The following GPHN variants were observed in gnomAD, a reference collection of about 807,000 sequenced individuals.
GPHN encodes gephyrin.
A neutral mutation model predicts 95.5 loss-of-function variants in GPHN; 17 were observed. The observed-to-expected ratio is 0.18, with a 90% CI of 0.12 to 0.27. GPHN has a LOEUF of 0.27. Among genes scored for constraint, GPHN ranks in the 10% least tolerant of loss-of-function variants. The probability of loss-of-function intolerance (pLI) is 1.00; values close to 1 mark genes in which losing one functional copy is unlikely to be tolerated. For synonymous variants in GPHN, 320 were observed against 322.5 expected (o/e 0.99, Z 0.08); for missense variants, 660 against 978.1 (o/e 0.67, Z 4.34).
chr14:66,510,862 A>C (rs1039266070), intron 1 of GPHN, among the ~76,000 whole-genome samples: 2 of 152,166 alleles, frequency 1.3e-5, no homozygotes, highest in Admixed American at 1.3e-4. Context: ...TAACATTGAC[A>C]GTGGAATTAA....
the GPHN span, among the ~76,000 whole-genome samples, chr14:67,187,734 C>T: frequency 2.0e-5 from 3 of 152,168 alleles, no homozygotes; most frequent in Non-Finnish European, 4.4e-5. Flanking sequence ...ACCCCTCAAA[C>T]CCTGTCATTT....
At chr14:67,231,695 C>T in the GPHN span, among the ~76,000 whole-genome samples, 1 of 152,136 alleles carries the variant, frequency 6.6e-6, no homozygotes, top group Admixed American at 6.6e-5. Flanking sequence ...AGGCCAAGCT[C>T]AGTGGCTCAC....
chr14:67,263,539 T>A, the GPHN span, among the ~76,000 whole-genome samples: 1 of 152,184 alleles, frequency 6.6e-6, no homozygotes, highest in Non-Finnish European at 1.5e-5. Flanking sequence ...TCTTTAAAGA[T>A]TTTCCCTCTC....
chr14:67,696,483 C>A, the GPHN span, among the ~76,000 whole-genome samples: 1 of 152,144 alleles, frequency 6.6e-6, no homozygotes, highest in Non-Finnish European at 1.5e-5. Context: ...TCAGGAGAAT[C>A]ACTTTATTGT....
chr14:66,613,019 C>G (rs1382246423), intron 1 of GPHN, among the ~76,000 whole-genome samples: 1 of 151,816 alleles, frequency 6.6e-6, no homozygotes, highest in African/African-American at 2.4e-5. Flanking sequence ...TACATGTAAG[C>G]CTTTTTGTGG....
chr14:66,905,034 C>T (rs564753429), intron 5 of GPHN, among the ~76,000 whole-genome samples: 1 of 152,232 alleles, frequency 6.6e-6, no homozygotes, highest in Non-Finnish European at 1.5e-5. Context: ...CCTCAACTCC[C>T]TCTTGAACAT....
chr14:66,519,525 T>G (rs1373499093), intron 1 of GPHN, among the ~76,000 whole-genome samples: 2 of 152,124 alleles, frequency 1.3e-5, no homozygotes, highest in Middle Eastern at 3.2e-3. Flanking sequence ...TTTTTTTGCT[T>G]CTTAAGATTC....
chr14:66,754,354 A>G (rs557743319), intron 2 of GPHN, among the ~76,000 whole-genome samples: 28 of 151,994 alleles, frequency 1.8e-4, no homozygotes, highest in Non-Finnish European at 3.8e-4. Flanking sequence ...ATAGTAATTT[A>G]ATTATACTGA....
the GPHN span, among the ~76,000 whole-genome samples, chr14:67,479,427 G>T: frequency 7.1e-6 from 1 of 140,530 alleles, no homozygotes; most frequent in Non-Finnish European, 1.5e-5. Context: ...AAAAAAAAAT[G>T]CTTGTGGAAG....
the GPHN span, among the ~76,000 whole-genome samples, chr14:67,508,756 A>AAAAAAAAAAAAAAAAAAC: frequency 2.0e-5 from 3 of 148,634 alleles, no homozygotes; most frequent in Admixed American, 1.3e-4. Flanking sequence ...CTTGTCTCAA[A>AAAAAAAAAAAAAAAAAAC]AAAAAAAAAA....
chr14:66,987,178 T>A (rs530310824), intron 9 of GPHN, among the ~76,000 whole-genome samples: 1 of 152,278 alleles, frequency 6.6e-6, no homozygotes, highest in Admixed American at 6.5e-5. Context: ...TTCCTCACTG[T>A]CTATCTGTGA....
chr14:67,670,799 TACC>T, the GPHN span, among the ~76,000 whole-genome samples: 1 of 152,190 alleles, frequency 6.6e-6, no homozygotes, highest in African/African-American at 2.4e-5. Flanking sequence ...GTGATGGGAC[TACC>T]AGCATGAGCC....
intron 9 of GPHN, 63 bp downstream of exon 9, chr14:66,965,388 A>G (rs1594655531): frequency 1.4e-6 from 2 of 1,410,860 alleles, no homozygotes; most frequent in Non-Finnish European, 2.0e-6. Context: ...AAACTAACCA[A>G]TATTTCCTCC....
chr14:66,625,526 G>A (rs567207188), intron 1 of GPHN, among the ~76,000 whole-genome samples: 64 of 151,822 alleles, frequency 4.2e-4, no homozygotes, highest in African/African-American at 1.5e-3. Flanking sequence ...CCTATTGTCT[G>A]CCTTTTGTCC....
intron 1 of GPHN, among the ~76,000 whole-genome samples, chr14:66,545,336 T>G (rs2059519429): frequency 9.0e-6 from 1 of 111,528 alleles, no homozygotes; most frequent in Admixed American, 9.1e-5. Flanking sequence ...GGCAGGGGGC[T>G]GACCCCCCCA....
At chr14:67,537,346 A>AATAAT in the GPHN span, among the ~76,000 whole-genome samples, 2 of 126,602 alleles carry the variant, frequency 1.6e-5, no homozygotes, top group Admixed American at 1.6e-4. Flanking sequence ...TCCATCTCAA[A>AATAAT]AATAATAATA....
intron 1 of GPHN, among the ~76,000 whole-genome samples, chr14:66,621,829 C>T (rs1353295118): frequency 1.3e-5 from 2 of 152,218 alleles, no homozygotes; most frequent in African/African-American, 4.8e-5. Context: ...AGCTCCACCC[C>T]TGTGTCTCTG....
At chr14:66,590,476 C>A (rs1166103871) in intron 1 of GPHN, among the ~76,000 whole-genome samples, 1 of 152,030 alleles carries the variant, frequency 6.6e-6, no homozygotes, top group Non-Finnish European at 1.5e-5. Context: ...GGGGATATCA[C>A]CACTGATCCC....
chr14:67,251,924 G>A, the GPHN span, among the ~76,000 whole-genome samples: 2 of 152,298 alleles, frequency 1.3e-5, no homozygotes, highest in African/African-American at 4.8e-5. Context: ...AGTCACCAAT[G>A]GCCAGTAATT....
Sources: gnomAD v4.1 joint callset for allele counts (sites outside exome capture counted in the v4.1 genomes callset) on GRCh38, gnomAD v4.1.1 for gene constraint, MANE v1.5 for transcripts, NCBI Gene and HGNC (gene_info 2026-07-23, HGNC 2026-07-21) for gene names.